The following KCNQ5 variants were observed in gnomAD, a reference collection of about 807,000 sequenced individuals.
KCNQ5 encodes potassium voltage-gated channel subfamily KQT member 5.
Under a neutral mutation model 98.2 loss-of-function variants are expected in KCNQ5, and 30 were observed. That is an observed-to-expected ratio of 0.31 (90% CI 0.23 to 0.41). The LOEUF is 0.41. Ranked by LOEUF, KCNQ5 falls within the 10% of genes least tolerant of loss-of-function variation. KCNQ5 has a pLI of 1.00. For synonymous variants in KCNQ5, 458 were observed against 449.4 expected, an observed-to-expected ratio of 1.02 and a Z score of -0.24; for missense variants, 835 against 1,182.5, an observed-to-expected ratio of 0.71 and a Z score of 4.31.
chr6:72,802,803 C>T (rs923868436), intron 1 of KCNQ5, among the ~76,000 whole-genome samples: 2 of 152,192 alleles, frequency 1.3e-5, no homozygotes. Flanking sequence ...CAACTGCAGC[C>T]GAGACAATTA....
intron 2 of KCNQ5, among the ~76,000 whole-genome samples, chr6:73,007,550 T>TA (rs1225250837): frequency 6.6e-6 from 1 of 152,208 alleles, no homozygotes; most frequent in Non-Finnish European, 1.5e-5. Context: ...GTTTGCAACT[T>TA]ACAGAGGAAG....
At chr6:72,830,152 T>C (rs1776184519) in intron 1 of KCNQ5, among the ~76,000 whole-genome samples, 1 of 152,126 alleles carries the variant, frequency 6.6e-6, no homozygotes, top group South Asian at 2.1e-4. Flanking sequence ...AAAATGGCCA[T>C]ACTGCCCAAG....
At chr6:72,638,257 A>G (rs927769006) in intron 1 of KCNQ5, among the ~76,000 whole-genome samples, 1 of 152,176 alleles carries the variant, frequency 6.6e-6, no homozygotes, top group African/African-American at 2.4e-5. Flanking sequence ...ATTGGAAGTT[A>G]GAGTTTCACA....
chr6:73,187,306 G>T (rs59789863), intron 11 of KCNQ5, among the ~76,000 whole-genome samples: 1 of 151,994 alleles, frequency 6.6e-6, no homozygotes, highest in African/African-American at 2.4e-5. Flanking sequence ...TGATCCACCC[G>T]CCTCGGCCTC....
chr6:72,815,767 A>T (rs1014013739), intron 1 of KCNQ5, among the ~76,000 whole-genome samples: 2 of 152,218 alleles, frequency 1.3e-5, no homozygotes, highest in Non-Finnish European at 2.9e-5. Flanking sequence ...TTTATGAGAT[A>T]AAATTGATAT....
intron 1 of KCNQ5, among the ~76,000 whole-genome samples, chr6:72,748,029 C>T (rs1771492331): frequency 6.6e-6 from 1 of 152,204 alleles, no homozygotes; most frequent in African/African-American, 2.4e-5. Context: ...ATAATCTATA[C>T]ATCTCCGAAA....
intron 10 of KCNQ5, among the ~76,000 whole-genome samples, chr6:73,143,937 A>AT (rs1384646574): frequency 6.6e-6 from 1 of 152,206 alleles, no homozygotes; most frequent in Non-Finnish European, 1.5e-5. Flanking sequence ...TTTAGCCCAT[A>AT]TTTAAGAGAA....
At chr6:73,085,629 C>T (rs972478249) in intron 5 of KCNQ5, among the ~76,000 whole-genome samples, 1 of 152,114 alleles carries the variant, frequency 6.6e-6, no homozygotes, top group African/African-American at 2.4e-5. Flanking sequence ...CCCAGAGGAA[C>T]TCCAGAGTGC....
rs56740576 is a variant in KCNQ5 at position 73,125,287 on chromosome 6, G to T, written c.1247+775G>T. 1,205 of 344,382 alleles carry T rather than the reference G, an allele frequency of 3.5e-3. 16 individuals are homozygous for T. Among genetic ancestry groups the T allele is most frequent in the African/African-American group, 0.024 (1,110 of 46,668 alleles). 21.3% of individuals were successfully genotyped at this position (344,382 alleles called of 1,614,324 possible). On this transcript the variant is annotated intron_variant, in intron 9 of 13. Coordinates refer to ENST00000370398, the MANE Select transcript of KCNQ5 (RefSeq NM_019842.4). Reference sequence around the variant, plus strand: ...GAATTAAACCTAGAGGGAATACGAGGTGAAAGAAAAATTTCTTGATCTGTG... The same window carrying T: ...GAATTAAACCTAGAGGGAATACGAGTTGAAAGAAAAATTTCTTGATCTGTG...
At position 72,688,344 on chromosome 6, in the gene KCNQ5, T is replaced by C. The variant is rs1768055511; in HGVS notation, c.398+65757T>C. ...GTTTCTTTCTTTCCCATTGTCTAAG[T>C]CTAGACTAAGATCCAAGTTTACTTC... On this transcript the variant is annotated intron_variant, in intron 1 of 13. Coordinates refer to ENST00000370398, the MANE Select transcript of KCNQ5 (RefSeq NM_019842.4). 2.0e-5 allele frequency among the ~76,000 whole-genome samples: 3 copies of C among 152,204 alleles called. No homozygotes were observed. In the South Asian group the frequency reaches 6.2e-4, roughly 32 times the overall value.
chr6:72,919,467 A>G (rs1298526981), intron 1 of KCNQ5, among the ~76,000 whole-genome samples: 1 of 152,216 alleles, frequency 6.6e-6, no homozygotes, highest in Admixed American at 6.5e-5. Flanking sequence ...TAATACACTC[A>G]TCTTATTCTC....
intron 1 of KCNQ5, among the ~76,000 whole-genome samples, chr6:72,901,788 C>A (rs764645621): frequency 6.6e-6 from 1 of 152,076 alleles, no homozygotes; most frequent in Non-Finnish European, 1.5e-5. Flanking sequence ...TGTGATGCCT[C>A]CAGATTTGTT....
chr6:73,123,124 T>TA (rs529127166), intron 8 of KCNQ5, among the ~76,000 whole-genome samples: 1,913 of 131,990 alleles, frequency 0.014, 27 homozygotes, highest in African/African-American at 0.045. Flanking sequence ...GCAGTTGGAG[T>TA]AAAAAAAAAA....
intron 10 of KCNQ5, among the ~76,000 whole-genome samples, chr6:73,161,403 A>G (rs1397282241): frequency 1.3e-5 from 2 of 152,276 alleles, no homozygotes; most frequent in Non-Finnish European, 2.9e-5. Flanking sequence ...ATAGGTCAGT[A>G]GGGTGACTAT....
chr6:73,044,529 T>C (rs1771868364), intron 3 of KCNQ5, among the ~76,000 whole-genome samples: 1 of 152,192 alleles, frequency 6.6e-6, no homozygotes, highest in South Asian at 2.1e-4. Flanking sequence ...ATGGATGTTA[T>C]AGTGAAGCAT....
At chr6:73,170,936 A>AAAAATAAAATAAAAT (rs149081545) in intron 11 of KCNQ5, among the ~76,000 whole-genome samples, 1,683 of 152,082 alleles carry the variant, frequency 0.011, 17 homozygotes, top group Non-Finnish European at 0.018. Context: ...TCTGCCTCCA[A>AAAAATAAAATAAAAT]AAAATAAAAT....
At chr6:72,753,046 T>A (rs1771767251) in intron 1 of KCNQ5, among the ~76,000 whole-genome samples, 1 of 152,154 alleles carries the variant, frequency 6.6e-6, no homozygotes, top group Non-Finnish European at 1.5e-5. Context: ...TGTGCATTCA[T>A]GTAACAAACA....
intron 1 of KCNQ5, among the ~76,000 whole-genome samples, chr6:72,970,936 T>A (rs1037595447): frequency 2.6e-4 from 40 of 152,332 alleles, no homozygotes; most frequent in African/African-American, 9.4e-4. Flanking sequence ...GGCATAGGCA[T>A]GGGCAAGGAC....
chr6:72,797,263 G>T (rs1582308423), intron 1 of KCNQ5, among the ~76,000 whole-genome samples: 1 of 151,994 alleles, frequency 6.6e-6, no homozygotes. Context: ...CATGCCTGTA[G>T]TCCCAGCACT....
Sources: allele counts gnomAD v4.1 joint callset (sites outside exome capture counted in the v4.1 genomes callset), GRCh38; gene constraint gnomAD v4.1.1; transcripts MANE v1.5; gene names NCBI Gene and HGNC (gene_info 2026-07-23, HGNC 2026-07-21).